The following GRHL1 variants were observed in gnomAD, a reference collection of about 807,000 sequenced individuals.
GRHL1 encodes grainyhead-like protein 1 homolog.
In GRHL1, 38 loss-of-function variants were observed where a neutral mutation model predicts 75.7. That is an observed-to-expected ratio of 0.50 (90% CI 0.39 to 0.66). The LOEUF is 0.66. Ranked by LOEUF, GRHL1 falls within the 30% of genes least tolerant of loss-of-function variation. GRHL1 has a pLI of 0.00. For synonymous variants in GRHL1, 266 were observed against 279.4 expected (o/e 0.95, Z 0.48); for missense variants, 589 against 767.5 (o/e 0.77, Z 2.75).
chr2:9,992,188 G>T lies in GRHL1; in HGVS notation c.1461+42G>T, dbSNP rs780895600. ...CCAGGGGAGGTTACCAGGAAGGAAGGCATGGCAAAAGGAAATTCTTTGGCA... is the reference window on the plus strand; with the variant it reads ...CCAGGGGAGGTTACCAGGAAGGAAGTCATGGCAAAAGGAAATTCTTTGGCA... On this transcript the variant is annotated intron_variant, in intron 11 of 15. Transcript: ENST00000324907. This position sits in a 1 kb window ranked among gnomAD's most constrained non-coding sequence, Gnocchi z 4.6. The T allele has an allele frequency of 1.3e-6, 2 of 1,586,486 alleles. No homozygotes were observed. The highest frequency in any genetic ancestry group is 1.7e-6 in the Non-Finnish European group (2 of 1,164,960).
intron 12 of GRHL1, among the ~76,000 whole-genome samples, chr2:9,995,134 G>A (rs564955378): frequency 2.6e-5 from 4 of 152,276 alleles, no homozygotes; most frequent in South Asian, 2.1e-4. Context: ...TCGGCTTCCC[G>A]AAATTTCTAG....
At chr2:9,996,085 T>G in intron 13 of GRHL1, 115 bp downstream of exon 13, 1 of 791,834 alleles carries the variant, frequency 1.3e-6, no homozygotes. Flanking sequence ...TTGGGAATTC[T>G]TCCATCAGAC....
intron 12 of GRHL1, chr2:9,995,287 T>C (rs1668810309): frequency 6.6e-6 from 1 of 152,152 alleles, no homozygotes; most frequent in Admixed American, 6.5e-5. Flanking sequence ...CCATAGAGTG[T>C]TTCCTGAAAA....
In GRHL1 at chr2:9,992,141, A is replaced by C. The variant is rs762542738; in HGVS notation, c.1456A>C (p.Thr486Pro). ...GCACTTTGCCAACTTGCAGCGGGGC[A>C]CTCATGTAGGTAACCAGGATCCCAG... ...DVHFANLQRG[T>P]HVLPIASEEL... is the part of the protein sequence containing the mutation. Residue 486 changes from threonine to proline, a missense_variant, in exon 11 of 16, where the codon ACT (threonine) becomes CCT (proline). Coordinates refer to ENST00000324907, the MANE Select transcript of GRHL1 (RefSeq NM_198182.3). This position sits in a 1 kb window ranked among gnomAD's most constrained non-coding sequence, Gnocchi z 4.6. The C allele has an allele frequency of 7.4e-6, 12 of 1,612,016 alleles. No homozygotes were observed. The highest frequency in any genetic ancestry group is 1.0e-5 in the Non-Finnish European group (12 of 1,179,402).
intron 8 of GRHL1, among the ~76,000 whole-genome samples, chr2:9,982,095 GCTTTAAC>G (rs1482932779): frequency 1.5e-4 from 23 of 152,164 alleles, no homozygotes; most frequent in African/African-American, 4.8e-4. Context: ...GAACAAAATG[GCTTTAAC>G]CTAGATCTTT....
At chr2:9,957,470 C>T (rs981844349) in intron 2 of GRHL1, among the ~76,000 whole-genome samples, 5 of 151,044 alleles carry the variant, frequency 3.3e-5, no homozygotes, top group African/African-American at 9.7e-5. Context: ...AGTGCAGTGG[C>T]GCAGTCTCAA....
chr2:9,996,068 C>A, intron 13 of GRHL1, 98 bp downstream of exon 13: 1 of 861,924 alleles, frequency 1.2e-6, no homozygotes. Flanking sequence ...TTCCCAGTTT[C>A]ACTTGCTTGG....
chr2:9,999,109 T>A, intron 15 of GRHL1, 80 bp downstream of exon 15: 2 of 567,868 alleles, frequency 3.5e-6, no homozygotes. Context: ...CCCCCAGTGC[T>A]GTTGACACCC....
chr2:9,961,829 G>A (rs1007785747), intron 4 of GRHL1, among the ~76,000 whole-genome samples: 1 of 152,102 alleles, frequency 6.6e-6, no homozygotes, highest in Non-Finnish European at 1.5e-5. Context: ...TTTGCTTGGT[G>A]TTTCTTGGTT....
chr2:9,955,130 A>G (rs368678386), intron 2 of GRHL1, 29 bp downstream of exon 2: 20 of 1,476,116 alleles, frequency 1.4e-5, no homozygotes, highest in Admixed American at 1.3e-4. Context: ...AAAACCCTTA[A>G]CAGCAGTCTC....
chr2:9,959,077 A>T (rs1667160083), intron 3 of GRHL1: 2 of 437,082 alleles, frequency 4.6e-6, no homozygotes, highest in Admixed American at 4.1e-5. Flanking sequence ...GGATGAAAGC[A>T]CTAACATTCT....
Position 9,968,633 on chromosome 2 carries a change from G to A in GRHL1, c.1110+3252G>A, listed in dbSNP as rs945930124. ...AAAGATGGAGCTTTGGTAAGATGCT[G>A]AAGTTTAGGATTTGCAGGACAAGAT... On this transcript the variant is annotated intron_variant, in intron 8 of 15. Coordinates refer to ENST00000324907, the MANE Select transcript of GRHL1 (RefSeq NM_198182.3). The surrounding 1 kb of genome is among the most constrained non-coding windows in gnomAD (Gnocchi z 4.7). Among the ~76,000 whole-genome samples the A allele has an allele frequency of 6.6e-6, 1 of 152,216 alleles. No homozygotes were observed. The highest frequency in any genetic ancestry group is 2.4e-5 in the African/African-American group (1 of 41,458).
At chr2:9,975,483 A>C (rs1667909853) in intron 8 of GRHL1, among the ~76,000 whole-genome samples, 1 of 152,188 alleles carries the variant, frequency 6.6e-6, no homozygotes, top group South Asian at 2.1e-4. Flanking sequence ...TAGTCAACTT[A>C]AGTATTCAGC....
intron 8 of GRHL1, 84 bp from the exon 9 acceptor site, chr2:9,986,040 T>C (rs1025090499): frequency 1.1e-6 from 1 of 895,918 alleles, no homozygotes; most frequent in Admixed American, 2.8e-5. Flanking sequence ...ACTTGAGTAA[T>C]TTCAGTGATG....
chr2:9,972,453 TTC>T lies in GRHL1; in HGVS notation c.1110+7073_1110+7074del, dbSNP rs1431304174. The stretch of plus-strand genomic sequence containing the variant: ...AACTGAACTTACCCAGCATAGCAAT[TTC>T]AAGGCGGCATGGGGGCTTGGAGTTC... On this transcript the variant is annotated intron_variant, in intron 8 of 15. Coordinates refer to ENST00000324907, the MANE Select transcript of GRHL1 (RefSeq NM_198182.3). Among the ~76,000 whole-genome samples, 1,202 of 152,210 alleles carry T rather than the reference TTC, an allele frequency of 7.9e-3. 10 individuals carry two copies. The highest frequency in any genetic ancestry group is 0.028 in the African/African-American group (1,157 of 41,518).
intron 7 of GRHL1, 122 bp from the exon 8 acceptor site, chr2:9,965,165 T>C (rs935249672): frequency 8.8e-6 from 5 of 569,138 alleles, no homozygotes; most frequent in Non-Finnish European, 1.6e-5. Context: ...TCGAACAAAA[T>C]GTTAATTTAA....
chr2:9,976,272 A>G (rs997842040), intron 8 of GRHL1, among the ~76,000 whole-genome samples: 3 of 152,108 alleles, frequency 2.0e-5, no homozygotes, highest in Non-Finnish European at 2.9e-5. Flanking sequence ...TGGAATAGGA[A>G]GATTCGTCAC....
chr2:9,952,039 G>T (rs1261357893), intron 1 of GRHL1, among the ~76,000 whole-genome samples, 186 bp downstream of exon 1: 3 of 151,762 alleles, frequency 2.0e-5, no homozygotes, highest in African/African-American at 7.2e-5. Context: ...CTCTTTGTTC[G>T]GTCGGAGCCT....
At chr2:9,962,607 C>A in intron 5 of GRHL1, 76 bp downstream of exon 5, 4 of 855,560 alleles carry the variant, frequency 4.7e-6, no homozygotes, top group Non-Finnish European at 4.0e-6. Flanking sequence ...CTTGATAAAT[C>A]AAAGGTGGCT....
Sources: gnomAD v4.1 joint callset for allele counts (sites outside exome capture counted in the v4.1 genomes callset) on GRCh38, gnomAD v4.1.1 for gene constraint, Gnocchi (gnomAD v3.1) non-coding constraint, MANE v1.5 for transcripts, NCBI Gene and HGNC (gene_info 2026-07-23, HGNC 2026-07-21) for gene names.